Variants in MEI4 observed in about 807,000 individuals in gnomAD.
MEI4 encodes the protein meiosis-specific protein MEI4.
A neutral mutation model predicts 31.4 loss-of-function variants in MEI4; 27 were observed. That is an observed-to-expected ratio of 0.86 (90% CI 0.63 to 1.19). MEI4 has a LOEUF of 1.19. Ranked by LOEUF, MEI4 falls within the 50% of genes most tolerant of loss-of-function variation. The probability of loss-of-function intolerance (pLI) is 0.00; values close to 1 mark genes in which losing one functional copy is unlikely to be tolerated. For missense variants in MEI4, 329 were observed against 398.9 expected, an observed-to-expected ratio of 0.82 and a Z score of 1.49; for synonymous variants, 122 against 145.4, an observed-to-expected ratio of 0.84 and a Z score of 1.16.
intron 1 of MEI4, among the ~76,000 whole-genome samples, chr6:77,666,166 A>G (rs1768628139): frequency 6.6e-6 from 1 of 152,026 alleles, no homozygotes; most frequent in South Asian, 2.1e-4. Flanking sequence ...AGTTAAGAGC[A>G]ATGTTTTGCG....
At chr6:77,797,142 A>G (rs1410177870) in intron 3 of MEI4, among the ~76,000 whole-genome samples, 1 of 152,174 alleles carries the variant, frequency 6.6e-6, no homozygotes, top group Non-Finnish European at 1.5e-5. Context: ...TCCACATGTA[A>G]AATAATGAAA....
At chr6:77,912,568 T>G (rs1165539496) in intron 4 of MEI4, among the ~76,000 whole-genome samples, 2 of 152,070 alleles carry the variant, frequency 1.3e-5, no homozygotes, top group Non-Finnish European at 2.9e-5. Flanking sequence ...GGGTAATTTT[T>G]GTAGTATTTT....
intron 3 of MEI4, among the ~76,000 whole-genome samples, chr6:77,816,329 AAGG>A (rs1255075935): frequency 6.6e-6 from 1 of 152,184 alleles, no homozygotes; most frequent in Non-Finnish European, 1.5e-5. Context: ...CATCAGTAAG[AAGG>A]AGGTCCTTAT....
chr6:77,745,954 G>A (rs1382192675), intron 2 of MEI4, among the ~76,000 whole-genome samples: 1 of 152,054 alleles, frequency 6.6e-6, no homozygotes, highest in Non-Finnish European at 1.5e-5. Context: ...CAGAATCTCT[G>A]GGACACATTC....
At chr6:77,678,575 G>A (rs1038824928) in intron 1 of MEI4, among the ~76,000 whole-genome samples, 1 of 21,634 alleles carries the variant, frequency 4.6e-5, no homozygotes, top group Non-Finnish European at 7.8e-5. Flanking sequence ...TGATGCTGGT[G>A]TAAACACACA....
At chr6:77,669,896 A>G (rs1484203566) in intron 1 of MEI4, among the ~76,000 whole-genome samples, 1 of 152,186 alleles carries the variant, frequency 6.6e-6, no homozygotes, top group Non-Finnish European at 1.5e-5. Context: ...TGACTTCACA[A>G]CTGGAACTTT....
At chr6:77,858,150 A>G (rs978204904) in intron 4 of MEI4, among the ~76,000 whole-genome samples, 2 of 152,206 alleles carry the variant, frequency 1.3e-5, no homozygotes, top group Admixed American at 1.3e-4. Context: ...TAATTTGTTT[A>G]GGAATCTTTA....
chr6:77,773,098 G>C (rs1768355622), intron 3 of MEI4, among the ~76,000 whole-genome samples: 1 of 151,946 alleles, frequency 6.6e-6, no homozygotes, highest in African/African-American at 2.4e-5. Context: ...AATCAATATT[G>C]CTAAAATGTT....
At position 77,847,098 on chromosome 6, in the gene MEI4, A is replaced by G. The variant is rs913103233; in HGVS notation, c.900+18036A>G. Among the ~76,000 whole-genome samples the G allele has an allele frequency of 4.8e-5, 7 of 147,348 alleles. No individual in the cohort carries two copies. Among genetic ancestry groups the G allele is most frequent in the African/African-American group, 1.5e-4 (6 of 40,036 alleles). On this transcript the variant is annotated intron_variant, in intron 4 of 4. Transcript: ENST00000684080. The surrounding 1 kb of genome is among the most constrained non-coding windows in gnomAD (Gnocchi z 4.6). ...ACTAGGAGTTGAAAGGAGTGAGGGA[A>G]TATTGTTTTTTTTTGGTGAGTTAAT...
upstream of MEI4, among the ~76,000 whole-genome samples, chr6:77,650,631 C>T (rs1222868391): frequency 6.6e-6 from 1 of 152,228 alleles, no homozygotes; most frequent in Non-Finnish European, 1.5e-5. Flanking sequence ...CAGCGCGAGG[C>T]CTGGCTTTCT....
chr6:77,766,109 A>G (rs903281608), intron 3 of MEI4, among the ~76,000 whole-genome samples: 2 of 152,160 alleles, frequency 1.3e-5, no homozygotes, highest in African/African-American at 2.4e-5. Flanking sequence ...TTGTGTCACT[A>G]TTTTCCACAG....
chr6:77,697,872 A>C (rs929311771), intron 2 of MEI4, among the ~76,000 whole-genome samples: 4 of 152,144 alleles, frequency 2.6e-5, no homozygotes, highest in African/African-American at 9.7e-5. Flanking sequence ...GGGGTGTTAA[A>C]GTCTCCCATT....
intron 4 of MEI4, among the ~76,000 whole-genome samples, chr6:77,855,616 A>G (rs1276886488): frequency 6.6e-6 from 1 of 152,198 alleles, no homozygotes; most frequent in South Asian, 2.1e-4. Flanking sequence ...TACTATTGAA[A>G]AGGTGATTCC....
At chr6:77,749,440 G>T (rs1436301474) in intron 2 of MEI4, among the ~76,000 whole-genome samples, 2 of 152,234 alleles carry the variant, frequency 1.3e-5, no homozygotes, top group African/African-American at 4.8e-5. Context: ...TGATGGAGCT[G>T]AAAAACACAG....
chr6:77,773,162 T>C (rs1299641918), intron 3 of MEI4, among the ~76,000 whole-genome samples: 2 of 151,944 alleles, frequency 1.3e-5, no homozygotes, highest in Non-Finnish European at 2.9e-5. Flanking sequence ...AAAATACTAA[T>C]GGCATTTTTC....
chr6:77,746,362 C>T (rs919967227), intron 2 of MEI4, among the ~76,000 whole-genome samples: 1 of 152,160 alleles, frequency 6.6e-6, no homozygotes, highest in South Asian at 2.1e-4. Context: ...TTGGCCTCAT[C>T]CAATAAGTGG....
At chr6:77,836,024 G>A (rs1001021653) in intron 4 of MEI4, among the ~76,000 whole-genome samples, 4 of 151,890 alleles carry the variant, frequency 2.6e-5, no homozygotes, top group African/African-American at 4.8e-5. Context: ...CTTTCACTGC[G>A]TGTATACTTT....
At chr6:77,697,361 G>A (rs1363321354) in intron 2 of MEI4, among the ~76,000 whole-genome samples, 1 of 151,848 alleles carries the variant, frequency 6.6e-6, no homozygotes, top group African/African-American at 2.4e-5. Context: ...GTGATGTTAG[G>A]GTGTCAATTT....
At chr6:77,672,787 C>T (rs1768770786) in intron 1 of MEI4, among the ~76,000 whole-genome samples, 1 of 152,236 alleles carries the variant, frequency 6.6e-6, no homozygotes, top group South Asian at 2.1e-4. Context: ...ATCCACCTGC[C>T]TCAGTCTCCC....
Sources: allele counts gnomAD v4.1 joint callset (sites outside exome capture counted in the v4.1 genomes callset), GRCh38; gene constraint gnomAD v4.1.1; non-coding constraint Gnocchi (gnomAD v3.1); transcripts MANE v1.5; gene names NCBI Gene and HGNC (gene_info 2026-07-23, HGNC 2026-07-21).